SIRT2: variants seen among roughly 807,000 people sequenced by gnomAD.
SIRT2 encodes sirtuin 2.
In SIRT2, 40 loss-of-function variants were observed where a neutral mutation model predicts 57.4. The observed-to-expected ratio is 0.70, with a 90% CI of 0.54 to 0.91. The LOEUF (loss-of-function observed/expected upper bound fraction) is 0.91, where lower values mean the gene tolerates loss of function less well. Among genes scored for constraint, SIRT2 ranks in the 40% least tolerant of loss-of-function variants. The probability of loss-of-function intolerance (pLI) is 0.00; values close to 1 mark genes in which losing one functional copy is unlikely to be tolerated. For synonymous variants in SIRT2, 161 were observed against 195.7 expected (o/e 0.82, Z 1.48); for missense variants, 439 against 510.4 (o/e 0.86, Z 1.35).
intron 9 of SIRT2, among the ~76,000 whole-genome samples, chr19:38,883,084 T>TG (rs1292736712): frequency 6.7e-6 from 1 of 149,874 alleles, no homozygotes; most frequent in African/African-American, 2.5e-5. Context: ...TGTTTTTTTT[T>TG]TTTTTTTTTT....
chr19:38,881,504 A>G lies in SIRT2; in HGVS notation c.632-13T>C. ...GAGAAGATCTTCTCTGGGTATGGGG[A>G]AGGGGAAGAAAGAGAAGGCAGTAAG... is the stretch of plus-strand genomic sequence containing the variant. On this transcript the variant is annotated splice_polypyrimidine_tract_variant and intron_variant, in intron 9 of 15. Transcript: ENST00000249396. The G allele has an allele frequency of 6.2e-7, 1 of 1,611,756 alleles. No homozygotes were observed. The highest frequency in any genetic ancestry group is 8.5e-7 in the Non-Finnish European group (1 of 1,178,208).
At chr19:38,881,187 A>G (rs200779465) in intron 10 of SIRT2, 32 bp from the exon 11 acceptor site, 31 of 1,604,044 alleles carry the variant, frequency 1.9e-5, no homozygotes, top group Non-Finnish European at 2.6e-5. Context: ...GGACAGAGAC[A>G]GTGACATGGG....
chr19:38,889,221 C>T, intron 7 of SIRT2, 66 bp from the exon 8 acceptor site: 1 of 1,455,114 alleles, frequency 6.9e-7, no homozygotes, highest in Non-Finnish European at 9.6e-7. Context: ...TGCCGCATGC[C>T]AGGAACTGTT....
chr19:38,898,312 T>C, intron 2 of SIRT2, 67 bp downstream of exon 2: 3 of 1,254,954 alleles, frequency 2.4e-6, no homozygotes, highest in Non-Finnish European at 3.2e-6. Context: ...CTTTGCCACC[T>C]CCCCCCAGTG....
intron 9 of SIRT2, among the ~76,000 whole-genome samples, chr19:38,882,961 G>C (rs1973201991): frequency 6.6e-6 from 1 of 151,884 alleles, no homozygotes; most frequent in African/African-American, 2.4e-5. Flanking sequence ...CACTCCAGAG[G>C]CCCTTCTGCA....
intron 2 of SIRT2, chr19:38,894,096 T>G (rs915382063): frequency 2.5e-6 from 2 of 787,678 alleles, no homozygotes; most frequent in Non-Finnish European, 3.9e-6. Flanking sequence ...TGAGTGGCTT[T>G]GCTTTGCTTT....
In SIRT2 at chr19:38,880,940, C is replaced by A. The variant is rs767492808; in HGVS notation, c.748-43G>T. 1.3e-6 allele frequency: 2 copies of A among 1,588,008 alleles called. No homozygotes were observed. The highest frequency in any genetic ancestry group is 1.7e-6 in the Non-Finnish European group (2 of 1,158,166). Reference sequence around the variant, plus strand: ...AGCTTGGGAGCCTCCGCCCAGGCTGCGCCACCGCTCCCTCCCCCGCCCCCA... The same window carrying A: ...AGCTTGGGAGCCTCCGCCCAGGCTGAGCCACCGCTCCCTCCCCCGCCCCCA... On this transcript the variant is annotated intron_variant, in intron 11 of 15. Transcript: ENST00000249396. This position sits in a 1 kb window ranked among gnomAD's most constrained non-coding sequence, Gnocchi z 4.1.
intron 2 of SIRT2, among the ~76,000 whole-genome samples, chr19:38,896,019 C>T (rs1035928290): frequency 1.3e-5 from 2 of 151,796 alleles, no homozygotes; most frequent in South Asian, 2.1e-4. Context: ...TTGCAGTCAG[C>T]GAGATCACCC....
In SIRT2 at chr19:38,880,191, T is replaced by C; in HGVS notation, c.877-489A>G. The stretch of plus-strand genomic sequence containing the variant: ...TTAGTTTCCTGTAGAATAGGGGTGA[T>C]CACAAAACCGCGATGGGGTTGTGGC... On this transcript the variant is annotated intron_variant, in intron 13 of 15. Coordinates refer to ENST00000249396, the MANE Select transcript of SIRT2 (RefSeq NM_012237.4). This position sits in a 1 kb window ranked among gnomAD's most constrained non-coding sequence, Gnocchi z 4.1. The C allele has an allele frequency of 5.6e-6, 1 of 179,310 alleles. No individual in the cohort carries two copies. The highest frequency in any genetic ancestry group is 1.2e-5 in the Non-Finnish European group (1 of 84,444). 11.1% of individuals were successfully genotyped at this position (179,310 alleles called of 1,614,324 possible). A position where few individuals can be genotyped will look rare whatever the true frequency, so the allele number is the denominator to read the frequency against.
At chr19:38,894,992 G>A (rs1350280372) in intron 2 of SIRT2, 1 of 452,304 alleles carries the variant, frequency 2.2e-6, no homozygotes, top group Non-Finnish European at 4.4e-6. Flanking sequence ...TCTCCTCCAA[G>A]CCCATCCTCC....
intron 9 of SIRT2, among the ~76,000 whole-genome samples, chr19:38,883,281 G>T (rs566476508): frequency 1.3e-5 from 2 of 151,616 alleles, no homozygotes; most frequent in South Asian, 4.2e-4. Context: ...TAGAAACGGG[G>T]TTTCACCATG....
intron 2 of SIRT2, among the ~76,000 whole-genome samples, chr19:38,895,521 C>T (rs1190862642): frequency 6.6e-6 from 1 of 152,222 alleles, no homozygotes. Context: ...AAATGCAGTT[C>T]TGACCAAGCC....
intron 2 of SIRT2, 102 bp from the exon 3 acceptor site, chr19:38,893,969 G>C: frequency 2.5e-6 from 4 of 1,581,330 alleles, no homozygotes; most frequent in Non-Finnish European, 3.4e-6. Flanking sequence ...GCAGGAAGGT[G>C]GCCTGAGGAA....
intron 4 of SIRT2, among the ~76,000 whole-genome samples, chr19:38,891,234 G>C (rs1167078823): frequency 2.0e-5 from 3 of 152,230 alleles, no homozygotes; most frequent in Admixed American, 1.3e-4. Context: ...AAATAGTGAA[G>C]CCTCAATTAA....
At chr19:38,893,143 T>G (rs534686184) in intron 4 of SIRT2, among the ~76,000 whole-genome samples, 1 of 151,908 alleles carries the variant, frequency 6.6e-6, no homozygotes, top group East Asian at 1.9e-4. Flanking sequence ...GAACCTGCAT[T>G]TGCAGCTGCC....
chr19:38,894,871 CATG>C (rs1973666079), intron 2 of SIRT2: 1 of 456,060 alleles, frequency 2.2e-6, no homozygotes, highest in Non-Finnish European at 4.4e-6. Flanking sequence ...CCTCGTCACT[CATG>C]ATACCATCTC....
chr19:38,883,496 G>T (rs781559461), intron 9 of SIRT2, 131 bp downstream of exon 9: 1 of 1,255,408 alleles, frequency 8.0e-7, no homozygotes, highest in Non-Finnish European at 1.1e-6. Context: ...GTGAGACTCT[G>T]TCTCAAAAAC....
At chr19:38,884,710 G>A (rs543875590) in intron 8 of SIRT2, among the ~76,000 whole-genome samples, 47 of 152,078 alleles carry the variant, frequency 3.1e-4, no homozygotes, top group Non-Finnish European at 5.7e-4. Context: ...GCCTCCCAAA[G>A]TGCTGGGATT....
intron 13 of SIRT2, 158 bp from the exon 14 acceptor site, chr19:38,879,860 T>C (rs1347212055): frequency 1.1e-5 from 7 of 613,456 alleles, no homozygotes; most frequent in Admixed American, 5.8e-5. Flanking sequence ...AGTTTCACTC[T>C]TGTTGCCCAG....
Sources: gnomAD v4.1 joint callset for allele counts (sites outside exome capture counted in the v4.1 genomes callset) on GRCh38, gnomAD v4.1.1 for gene constraint, Gnocchi (gnomAD v3.1) non-coding constraint, MANE v1.5 for transcripts, NCBI Gene and HGNC (gene_info 2026-07-23, HGNC 2026-07-21) for gene names.